SYT1: variants seen among roughly 807,000 people sequenced by gnomAD.
The protein encoded by SYT1 is synaptotagmin-1.
In SYT1, 8 loss-of-function variants were observed where a neutral mutation model predicts 44.8. The ratio of observed to expected loss-of-function variants is 0.18; its 90% CI spans 0.10 to 0.32. SYT1 has a LOEUF of 0.32. Ranked by LOEUF, SYT1 falls within the 10% of genes least tolerant of loss-of-function variation. SYT1 has a pLI of 1.00. For missense variants in SYT1, 286 were observed against 509.3 expected, an observed-to-expected ratio of 0.56 and a Z score of 4.22; for synonymous variants, 154 against 188.8, an observed-to-expected ratio of 0.82 and a Z score of 1.51.
Position 79,091,765 on chromosome 12 carries a change from A to G in SYT1, c.-18+44403A>G, listed in dbSNP as rs887647693. 2.6e-5 allele frequency among the ~76,000 whole-genome samples: 4 copies of G among 152,128 alleles called. No individual in the cohort carries two copies. In the East Asian group the frequency reaches 5.8e-4, roughly 22 times the overall value. On this transcript the variant is annotated intron_variant, in intron 3 of 10. Transcript: ENST00000261205. ...AAAAAAATGAACAGAGCTAGAATCTAATAACAGATACACTGTAGTTTTCTT... is the reference window on the plus strand; with the variant it reads ...AAAAAAATGAACAGAGCTAGAATCTGATAACAGATACACTGTAGTTTTCTT...
intron 3 of SYT1, among the ~76,000 whole-genome samples, chr12:79,152,804 A>T (rs1230861883): frequency 2.0e-5 from 3 of 151,800 alleles, no homozygotes; most frequent in Non-Finnish European, 4.4e-5. Context: ...TGCTAGGAGC[A>T]AAGCTTTCAT....
intron 1 of SYT1, among the ~76,000 whole-genome samples, chr12:78,885,468 AAAAC>A (rs553853798): frequency 1.1e-4 from 16 of 152,180 alleles, no homozygotes; most frequent in Non-Finnish European, 1.0e-4. Flanking sequence ...ATAAAAATAA[AAAAC>A]AAGGAAAGAG....
chr12:79,254,035 C>G (rs960046250), intron 4 of SYT1, among the ~76,000 whole-genome samples: 5 of 152,184 alleles, frequency 3.3e-5, no homozygotes, highest in Admixed American at 6.5e-5. Flanking sequence ...GCAGGAAGTG[C>G]TGATGGAGAA....
chr12:78,933,233 G>A (rs968011268), intron 1 of SYT1, among the ~76,000 whole-genome samples: 10 of 152,056 alleles, frequency 6.6e-5, no homozygotes, highest in Non-Finnish European at 1.0e-4. Flanking sequence ...TAATACCAGG[G>A]CAATCTTGAC....
intron 3 of SYT1, among the ~76,000 whole-genome samples, chr12:79,182,500 A>G (rs1378521889): frequency 1.3e-5 from 2 of 152,110 alleles, no homozygotes; most frequent in Non-Finnish European, 2.9e-5. Context: ...TGGACTGTGA[A>G]AATAGCATAA....
At chr12:79,045,870 A>C (rs900402405) in intron 2 of SYT1, 2 of 152,086 alleles carry the variant, frequency 1.3e-5, no homozygotes, top group African/African-American at 4.8e-5. Context: ...CTATTCTCTT[A>C]TTTTTTAATA....
At chr12:79,143,618 A>C (rs539892970) in intron 3 of SYT1, among the ~76,000 whole-genome samples, 1 of 152,330 alleles carries the variant, frequency 6.6e-6, no homozygotes, top group South Asian at 2.1e-4. Flanking sequence ...TTTTATGTTG[A>C]GTATTATTTT....
At chr12:79,290,789 G>A (rs1879544510) in intron 5 of SYT1, among the ~76,000 whole-genome samples, 1 of 152,066 alleles carries the variant, frequency 6.6e-6, no homozygotes, top group Admixed American at 6.6e-5. Flanking sequence ...AATACAAAGA[G>A]CCTTTGCAAA....
chr12:79,320,598 C>T (rs898655609), intron 8 of SYT1, among the ~76,000 whole-genome samples: 1 of 151,108 alleles, frequency 6.6e-6, no homozygotes, highest in Non-Finnish European at 1.5e-5. Context: ...CTCTGATTTC[C>T]TCTATCAGCA....
intron 8 of SYT1, among the ~76,000 whole-genome samples, chr12:79,339,883 C>T (rs1377715399): frequency 6.6e-6 from 1 of 152,192 alleles, no homozygotes. Flanking sequence ...CAGCTTTCTA[C>T]ATAATGGCTA....
chr12:79,018,382 TACCTAATGC>T (rs1871955683), intron 2 of SYT1, among the ~76,000 whole-genome samples: 1 of 151,100 alleles, frequency 6.6e-6, no homozygotes, highest in Non-Finnish European at 1.5e-5. Flanking sequence ...TTAGGAGATA[TACCTAATGC>T]TAAACACGAG....
chr12:78,876,216 C>T (rs1010145405), intron 1 of SYT1, among the ~76,000 whole-genome samples: 7 of 151,450 alleles, frequency 4.6e-5, no homozygotes, highest in Admixed American at 1.3e-4. Flanking sequence ...ATTATTTTTC[C>T]TCTATCTAGT....
In SYT1 at chr12:78,892,758, C is replaced by T. The variant is rs115407509; in HGVS notation, c.-217+27649C>T. ...ATATTTAATTTAGCAATACATTAAT[C>T]ACCCAAAATAATCTCAAGGGAAAAA... On this transcript the variant is annotated intron_variant, in intron 1 of 10. Transcript: ENST00000261205. 5.6e-3 allele frequency among the ~76,000 whole-genome samples: 847 copies of T among 151,812 alleles called. 12 individuals are homozygous for T. Among genetic ancestry groups the T allele is most frequent in the African/African-American group, 0.019 (780 of 41,480 alleles).
chr12:79,176,292 A>AT (rs1186664496), intron 3 of SYT1, among the ~76,000 whole-genome samples: 1 of 151,208 alleles, frequency 6.6e-6, no homozygotes, highest in Non-Finnish European at 1.5e-5. Context: ...TCTGTCTCAA[A>AT]AAAAAAAAAA....
intron 1 of SYT1, among the ~76,000 whole-genome samples, chr12:78,929,820 G>A (rs755292733): frequency 1.3e-5 from 2 of 152,096 alleles, no homozygotes; most frequent in Non-Finnish European, 1.5e-5. Context: ...TACGTCTTCT[G>A]GTTTTGTATG....
At chr12:78,909,836 AACTTAGTCTTC>A (rs571181746) in intron 1 of SYT1, among the ~76,000 whole-genome samples, 422 of 152,088 alleles carry the variant, frequency 2.8e-3, no homozygotes, top group Non-Finnish European at 4.8e-3. Flanking sequence ...ATGTTATTCT[AACTTAGTCTTC>A]AAAGTGTCAA....
rs142165279 is a variant in SYT1, at chr12:78,879,934, T to C, written c.-217+14825T>C. On this transcript the variant is annotated intron_variant, in intron 1 of 10. Coordinates refer to ENST00000261205, the MANE Select transcript of SYT1 (RefSeq NM_005639.3). The stretch of plus-strand genomic sequence containing the variant: ...TTGGAGTGCTTTCTTTTCTCTTTTA[T>C]CTGGTTAAATTCTATGCAGCCTTCA... 7.8e-3 allele frequency among the ~76,000 whole-genome samples: 1,185 copies of C among 151,820 alleles called. 10 individuals carry two copies. The highest frequency in any genetic ancestry group is 0.014 in the Non-Finnish European group (952 of 67,772).
Position 79,217,657 on chromosome 12 carries a change from G to T in SYT1, c.138G>T (p.Lys46Asn). The change falls in exon 4 of 11, where the codon AAG becomes AAT. Residue 46 changes from lysine (K) to asparagine (N), a missense_variant. Physicochemically the swap from Lys to Asn is moderately conservative, Grantham distance 94 (BLOSUM62 0). This residue lies in a region of SYT1 where 141 missense variants were observed against 165.7 expected (regional missense o/e 0.85). Transcript: ENST00000261205. The stretch of plus-strand genomic sequence containing the variant: ...ATGCATTTTCTAAGCTGAAGGAGAA[G>T]TTTATGAATGAGTTGCATAAAATTC... ...KEDAFSKLKEKFMNELHKIPL... is the reference protein window; with the variant it reads ...KEDAFSKLKENFMNELHKIPL... 6.2e-7 allele frequency: 1 copy of T among 1,612,516 alleles called. No individual in the cohort carries two copies. Among genetic ancestry groups the T allele is most frequent in the Non-Finnish European group, 8.5e-7 (1 of 1,179,300 alleles).
At chr12:79,103,506 T>G (rs1878546540) in intron 3 of SYT1, among the ~76,000 whole-genome samples, 2 of 151,996 alleles carry the variant, frequency 1.3e-5, no homozygotes, top group South Asian at 2.1e-4. Context: ...TACTAAAAAT[T>G]TTTTTTAAAA....
Sources: allele counts gnomAD v4.1 joint callset (sites outside exome capture counted in the v4.1 genomes callset), GRCh38; gene constraint gnomAD v4.1.1; regional missense constraint gnomAD v4.1.1; transcripts MANE v1.5; gene names NCBI Gene and HGNC (gene_info 2026-07-23, HGNC 2026-07-21).